The following EIF3M variants were observed in gnomAD, a reference collection of about 807,000 sequenced individuals.
EIF3M encodes the protein eukaryotic translation initiation factor 3 subunit M.
Under a neutral mutation model 49.7 loss-of-function variants are expected in EIF3M, and 25 were observed. The observed-to-expected ratio is 0.50, with a 90% CI of 0.37 to 0.70. The LOEUF (loss-of-function observed/expected upper bound fraction) is 0.70. Among genes scored for constraint, EIF3M ranks in the 30% least tolerant of loss-of-function variants. The pLI is 0.00. For synonymous variants in EIF3M, 156 were observed against 149.8 expected, an observed-to-expected ratio of 1.04 and a Z score of -0.30; for missense variants, 350 against 440.0, an observed-to-expected ratio of 0.80 and a Z score of 1.83.
intron 8 of EIF3M, among the ~76,000 whole-genome samples, chr11:32,596,293 A>T (rs912642014): frequency 1.3e-5 from 2 of 152,130 alleles, no homozygotes; most frequent in African/African-American, 4.8e-5. Context: ...TGAAACTGGG[A>T]GTATGAAAAC....
intron 5 of EIF3M, 77 bp downstream of exon 5, chr11:32,589,718 G>T: frequency 7.6e-7 from 1 of 1,323,710 alleles, no homozygotes; most frequent in Non-Finnish European, 1.1e-6. Flanking sequence ...AAGAGAAGTA[G>T]GGCCAGTAAT....
intron 1 of EIF3M, among the ~76,000 whole-genome samples, chr11:32,586,242 TCAAAA>T (rs1480127676): frequency 6.7e-6 from 1 of 149,972 alleles, no homozygotes; most frequent in African/African-American, 2.5e-5. Flanking sequence ...AAACTCCATC[TCAAAA>T]CAAAACAAAA....
At chr11:32,592,964 A>G (rs2133198486) in intron 5 of EIF3M, among the ~76,000 whole-genome samples, 1 of 152,232 alleles carries the variant, frequency 6.6e-6, no homozygotes, top group East Asian at 1.9e-4. Flanking sequence ...AGGCATTTAT[A>G]TCACTACATT....
In EIF3M at chr11:32,605,403, C is replaced by T. The variant is rs1855336340; in HGVS notation, c.*3004C>T. ...GACTGCTAAGAGAACCTAGGCAAGT[C>T]ATTTAATTTTTCTGGGCTTCAGTTT... On this transcript the variant is annotated 3_prime_UTR_variant, in exon 11 of 11. Coordinates refer to ENST00000531120, the MANE Select transcript of EIF3M (RefSeq NM_006360.6). 6.6e-6 allele frequency: 1 copy of T among 152,086 alleles called. No individual in the cohort carries two copies. Among genetic ancestry groups the T allele is most frequent in the Non-Finnish European group, 1.5e-5 (1 of 68,026 alleles). The allele number at this position is 152,086 out of a possible 1,614,324, so 9.4% of individuals were successfully genotyped here. A position where few individuals can be genotyped will look rare whatever the true frequency, so the allele number is the denominator to read the frequency against.
chr11:32,598,003 A>G (rs1855205554), intron 8 of EIF3M, among the ~76,000 whole-genome samples: 1 of 152,222 alleles, frequency 6.6e-6, no homozygotes, highest in African/African-American at 2.4e-5. Flanking sequence ...AAATACACCA[A>G]GATAAAGTAG....
At chr11:32,594,007 TATTAA>T in intron 6 of EIF3M, 58 bp downstream of exon 6, 1 of 1,188,260 alleles carries the variant, frequency 8.4e-7, no homozygotes, top group Non-Finnish European at 1.1e-6. Flanking sequence ...TAAGCTACAA[TATTAA>T]ATTAAGTAAC....
chr11:32,594,126 A>C, intron 6 of EIF3M, 177 bp downstream of exon 6: 2 of 402,070 alleles, frequency 5.0e-6, no homozygotes, highest in East Asian at 7.4e-5. Context: ...ATATTGGAAG[A>C]ACTGTGGATT....
intron 7 of EIF3M, 83 bp from the exon 8 acceptor site, chr11:32,595,883 T>C (rs1326611581): frequency 1.0e-5 from 11 of 1,051,618 alleles, no homozygotes; most frequent in Non-Finnish European, 1.4e-5. Flanking sequence ...ATCTTTAAAA[T>C]AATATTTACA....
Position 32,602,503 on chromosome 11 carries a change from A to C in EIF3M, c.*104A>C. The C allele has an allele frequency of 7.5e-7, 1 of 1,333,306 alleles. No homozygotes were observed. The highest frequency in any genetic ancestry group is 1.0e-6 in the Non-Finnish European group (1 of 995,452). 82.6% of individuals were successfully genotyped at this position (1,333,306 alleles called of 1,614,324 possible). ...CCTAGTCTGGACAGTTATTGTCTCA[A>C]ATTTATACTAAAATCACAAACTCCA... On this transcript the variant is annotated 3_prime_UTR_variant, in exon 11 of 11. Coordinates refer to ENST00000531120, the MANE Select transcript of EIF3M (RefSeq NM_006360.6).
At chr11:32,595,201 A>C (rs1855161326) in intron 7 of EIF3M, among the ~76,000 whole-genome samples, 188 bp downstream of exon 7, 1 of 152,074 alleles carries the variant, frequency 6.6e-6, no homozygotes, top group Non-Finnish European at 1.5e-5. Flanking sequence ...TCCACTGAGC[A>C]GAGTCCTATT....
chr11:32,594,756 G>T (rs1410982874), intron 6 of EIF3M, 158 bp from the exon 7 acceptor site: 3 of 491,802 alleles, frequency 6.1e-6, no homozygotes, highest in South Asian at 3.9e-5. Context: ...AAATGTGTTG[G>T]CCTGTCTTAA....
At chr11:32,601,203 G>A (rs1464452052) in intron 9 of EIF3M, 1 of 159,250 alleles carries the variant, frequency 6.3e-6, no homozygotes, top group East Asian at 1.8e-4. Context: ...CACAGTGCCT[G>A]GCACATAGTA....
intron 5 of EIF3M, chr11:32,592,412 C>T (rs535618894): frequency 1.0e-4 from 55 of 548,866 alleles, no homozygotes; most frequent in Non-Finnish European, 4.2e-5. Context: ...AAAGTAGTCT[C>T]TCAAATTATG....
chr11:32,594,923 A>C lies in EIF3M; in HGVS notation c.627A>C (p.Val209=), dbSNP rs139505078. ...TTGTTCTCTAATTAAGGTGTATTGT[A>C]CGAGCATTGAAAGATCCAAATGCAT... is the stretch of plus-strand genomic sequence containing the variant. ...QARVDAHRCI[V]RALKDPNAFL... The change falls in exon 7 of 11, where the codon GTA becomes GTC. Residue 209 remains valine, a synonymous_variant. Coordinates refer to ENST00000531120, the MANE Select transcript of EIF3M (RefSeq NM_006360.6). The C allele has an allele frequency of 2.0e-4, 330 of 1,613,020 alleles. No individual in the cohort carries two copies. The African/African-American group carries it at 2.5e-3, about 12-fold the overall frequency.
In EIF3M at chr11:32,598,136, CTTTA is replaced by C. The variant is rs377492495; in HGVS notation, c.799+2094_799+2097del. Among the ~76,000 whole-genome samples, 1,487 of 152,266 alleles carry C rather than the reference CTTTA, an allele frequency of 9.8e-3. 11 individuals are homozygous for C. The highest frequency in any genetic ancestry group is 0.016 in the Non-Finnish European group (1,063 of 67,998). On this transcript the variant is annotated intron_variant, in intron 8 of 10. Coordinates refer to ENST00000531120, the MANE Select transcript of EIF3M (RefSeq NM_006360.6). ...GATGGAATGTTAATGTCAGCAACCT[CTTTA>C]TTTACGCACCAAGGAAAAAGGAGTA... is the stretch of plus-strand genomic sequence containing the variant.
At chr11:32,591,262 C>G (rs1855098194) in intron 5 of EIF3M, among the ~76,000 whole-genome samples, 1 of 152,196 alleles carries the variant, frequency 6.6e-6, no homozygotes, top group Non-Finnish European at 1.5e-5. Context: ...TTGAAGTATA[C>G]TGTAGTTGCT....
At position 32,593,953 on chromosome 11, in the gene EIF3M, A is replaced by G; in HGVS notation, c.617+4A>G. 1 of 1,522,378 alleles carries G rather than the reference A, an allele frequency of 6.6e-7. No individual in the cohort carries two copies. The highest frequency in any genetic ancestry group is 1.4e-5 in the African/African-American group (1 of 69,752). The allele number at this position is 1,522,378 out of a possible 1,614,324, so 94.3% of individuals were successfully genotyped here. A position where few individuals can be genotyped will look rare whatever the true frequency, so the allele number is the denominator to read the frequency against. On this transcript the variant is annotated splice_donor_region_variant and intron_variant, in intron 6 of 10. Coordinates refer to ENST00000531120, the MANE Select transcript of EIF3M (RefSeq NM_006360.6). ...AGGCTCGAGTTGATGCCCACAGGTA[A>G]TGTTAAACGTTACTCTGATGAGGGT... is the stretch of plus-strand genomic sequence containing the variant.
At position 32,603,932 on chromosome 11, in the gene EIF3M, T is replaced by A. The variant is rs1259312609; in HGVS notation, c.*1533T>A. On this transcript the variant is annotated 3_prime_UTR_variant, in exon 11 of 11. Transcript: ENST00000531120. ...TCTACCAAAAATTAGCTGGGCATGG[T>A]GGCATGCAACTGTAGTCCCAGCTCC... The A allele has an allele frequency of 6.6e-6, 1 of 152,174 alleles. No individual in the cohort carries two copies. Among genetic ancestry groups the A allele is most frequent in the Non-Finnish European group, 1.5e-5 (1 of 68,090 alleles). The allele number at this position is 152,174 out of a possible 1,614,324, so 9.4% of individuals were successfully genotyped here.
At chr11:32,590,857 T>C (rs1005269895) in intron 5 of EIF3M, among the ~76,000 whole-genome samples, 2 of 152,110 alleles carry the variant, frequency 1.3e-5, no homozygotes, top group Admixed American at 6.5e-5. Flanking sequence ...TTGTGCTTTT[T>C]TTTTTTTATT....
Sources: gnomAD v4.1 joint callset for allele counts (sites outside exome capture counted in the v4.1 genomes callset) on GRCh38, gnomAD v4.1.1 for gene constraint, MANE v1.5 for transcripts, NCBI Gene and HGNC (gene_info 2026-07-23, HGNC 2026-07-21) for gene names.